AP2B1: variants seen among roughly 807,000 people sequenced by gnomAD.
AP2B1 encodes the protein AP-2 complex subunit beta.
In AP2B1, 23 loss-of-function variants were observed where a neutral mutation model predicts 102.0. That is an observed-to-expected ratio of 0.23 (90% CI 0.16 to 0.32). The LOEUF (loss-of-function observed/expected upper bound fraction) is 0.32. Ranked by LOEUF, AP2B1 falls within the 10% of genes least tolerant of loss-of-function variation. The pLI, the probability that AP2B1 is intolerant of heterozygous loss-of-function variation, is 1.00. For missense variants in AP2B1, 541 were observed against 1,157.4 expected (o/e 0.47, Z 7.73); for synonymous variants, 381 against 421.2 (o/e 0.90, Z 1.17).
chr17:35,702,975 C>T (rs1487469875), intron 18 of AP2B1, among the ~76,000 whole-genome samples: 1 of 152,094 alleles, frequency 6.6e-6, no homozygotes. Flanking sequence ...GGTGATTCCT[C>T]AAAGACCTAA....
At chr17:35,631,588 CA>C (rs1343394533) in intron 9 of AP2B1, among the ~76,000 whole-genome samples, 1 of 151,570 alleles carries the variant, frequency 6.6e-6, no homozygotes, top group Admixed American at 6.6e-5. Context: ...CTAGTAATAT[CA>C]TGGACATTGA....
intron 17 of AP2B1, among the ~76,000 whole-genome samples, chr17:35,675,621 T>A (rs895097112): frequency 7.0e-6 from 1 of 143,800 alleles, no homozygotes; most frequent in Non-Finnish European, 1.5e-5. Context: ...ATCTCTAGCC[T>A]TTTTTTTTTT....
chr17:35,623,285 C>T lies in AP2B1; in HGVS notation c.526-1112C>T, dbSNP rs568248506. 3.3e-5 allele frequency among the ~76,000 whole-genome samples: 5 copies of T among 152,048 alleles called. No homozygotes were observed. The South Asian group carries it at 6.2e-4, about 19-fold the overall frequency. ...TAGTATAAGGTAGCAATTTTTCAGC[C>T]GGGCATGGTGGCTCACACCTGTAAT... On this transcript the variant is annotated intron_variant, in intron 5 of 21. Coordinates refer to ENST00000610402, the MANE Select transcript of AP2B1 (RefSeq NM_001030006.2).
At chr17:35,628,724 C>T (rs2074381878) in intron 9 of AP2B1, among the ~76,000 whole-genome samples, 1 of 152,210 alleles carries the variant, frequency 6.6e-6, no homozygotes, top group South Asian at 2.1e-4. Context: ...CATACACCCA[C>T]CATTCCCACT....
intron 17 of AP2B1, among the ~76,000 whole-genome samples, chr17:35,676,184 T>G (rs1188016345): frequency 6.6e-6 from 1 of 152,230 alleles, no homozygotes; most frequent in Non-Finnish European, 1.5e-5. Flanking sequence ...AGGCTCATAT[T>G]CTGGCAGAAA....
intron 6 of AP2B1, among the ~76,000 whole-genome samples, chr17:35,625,251 T>C (rs1284272934): frequency 2.0e-5 from 3 of 152,236 alleles, no homozygotes; most frequent in Non-Finnish European, 4.4e-5. Context: ...AAAGTACTTC[T>C]GAAGAAATGT....
At chr17:35,595,956 C>A (rs547011528) in intron 2 of AP2B1, among the ~76,000 whole-genome samples, 1 of 150,724 alleles carries the variant, frequency 6.6e-6, no homozygotes, top group African/African-American at 2.5e-5. Context: ...TTCTTCAAAC[C>A]TACTCTTGAA....
chr17:35,623,991 A>G (rs547252218), intron 5 of AP2B1, among the ~76,000 whole-genome samples: 3 of 152,342 alleles, frequency 2.0e-5, no homozygotes, highest in Admixed American at 6.5e-5. Context: ...ATACATATAC[A>G]GCTACACAAC....
intron 5 of AP2B1, among the ~76,000 whole-genome samples, chr17:35,620,193 A>G (rs225243): frequency 0.63 from 95,913 of 151,870 alleles, 30,312 homozygotes; most frequent in Non-Finnish European, 0.65. Context: ...CCCTATTTGT[A>G]GGCCAGGTAC....
chr17:35,682,889 A>ATTT (rs2075854035), intron 18 of AP2B1, 65 bp downstream of exon 18: 3 of 1,388,264 alleles, frequency 2.2e-6, no homozygotes, highest in South Asian at 2.6e-5. Flanking sequence ...TATTATTATT[A>ATTT]TTTTTAAAGA....
At chr17:35,695,055 A>G (rs773403367) in intron 18 of AP2B1, among the ~76,000 whole-genome samples, 1 of 152,186 alleles carries the variant, frequency 6.6e-6, no homozygotes, top group Non-Finnish European at 1.5e-5. Context: ...CTGTGTAGCT[A>G]TCATTAAAGG....
At chr17:35,634,229 G>A (rs1381478863) in intron 9 of AP2B1, among the ~76,000 whole-genome samples, 1 of 152,126 alleles carries the variant, frequency 6.6e-6, no homozygotes, top group African/African-American at 2.4e-5. Flanking sequence ...AAGAAACTAG[G>A]TCATTAGGCT....
intron 18 of AP2B1, among the ~76,000 whole-genome samples, chr17:35,701,527 A>G (rs74671986): frequency 0.024 from 3,664 of 152,302 alleles, 132 homozygotes; most frequent in East Asian, 0.19. Context: ...TGCCTCCTTC[A>G]CAGTATGTGT....
At position 35,698,083 on chromosome 17, in the gene AP2B1, T is replaced by G. The variant is rs149171377; in HGVS notation, c.2455-11141T>G. 5.0e-3 allele frequency among the ~76,000 whole-genome samples: 765 copies of G among 152,332 alleles called. 8 individuals carry two copies. The highest frequency in any genetic ancestry group is 0.018 in the African/African-American group (731 of 41,578). On this transcript the variant is annotated intron_variant, in intron 18 of 21. Transcript: ENST00000610402. ...TGCCTTTAAATGGAAAAAAAAGTTT[T>G]TAAAAAAGGGTAGTCATCTAGCACT...
chr17:35,682,920 C>G (rs2075855088), intron 18 of AP2B1, 96 bp downstream of exon 18: 24 of 1,230,678 alleles, frequency 2.0e-5, no homozygotes, highest in African/African-American at 3.1e-5. Context: ...CTCTGTTGCC[C>G]AGGCTGGAGT....
chr17:35,595,266 A>G (rs568230377), intron 2 of AP2B1, among the ~76,000 whole-genome samples: 1 of 152,194 alleles, frequency 6.6e-6, no homozygotes, highest in Non-Finnish European at 1.5e-5. Context: ...CCAGGTGGCC[A>G]GGCATGGTGG....
intron 5 of AP2B1, among the ~76,000 whole-genome samples, chr17:35,613,467 T>G (rs1598039868): frequency 6.6e-6 from 1 of 152,136 alleles, no homozygotes; most frequent in East Asian, 1.9e-4. Context: ...TTACAATTTA[T>G]AGTTTAGTTG....
chr17:35,720,034 A>G (rs1437519666), intron 21 of AP2B1, among the ~76,000 whole-genome samples: 1 of 152,184 alleles, frequency 6.6e-6, no homozygotes, highest in East Asian at 1.9e-4. Flanking sequence ...TACTTGAAAG[A>G]TGTCACTTTA....
At chr17:35,625,323 C>G (rs1239500845) in intron 6 of AP2B1, among the ~76,000 whole-genome samples, 2 of 152,176 alleles carry the variant, frequency 1.3e-5, no homozygotes, top group South Asian at 2.1e-4. Context: ...CTGGCTGAAG[C>G]TGATTTCCAA....
Sources: gnomAD v4.1 joint callset for allele counts (sites outside exome capture counted in the v4.1 genomes callset) on GRCh38, gnomAD v4.1.1 for gene constraint, MANE v1.5 for transcripts, NCBI Gene and HGNC (gene_info 2026-07-23, HGNC 2026-07-21) for gene names.